The following ARHGEF3 variants were observed in gnomAD, a reference collection of about 807,000 sequenced individuals.
The protein encoded by ARHGEF3 is 59.8 kDA protein.
A neutral mutation model predicts 63.2 loss-of-function variants in ARHGEF3; 28 were observed. The observed-to-expected ratio is 0.44, with a 90% CI of 0.33 to 0.61. The LOEUF (loss-of-function observed/expected upper bound fraction) is 0.61. Ranked by LOEUF, ARHGEF3 falls within the 20% of genes least tolerant of loss-of-function variation. ARHGEF3 has a pLI of 0.03. For missense variants in ARHGEF3, 533 were observed against 659.3 expected, an observed-to-expected ratio of 0.81 and a Z score of 2.10; for synonymous variants, 266 against 254.2, an observed-to-expected ratio of 1.05 and a Z score of -0.44.
chr3:57,014,040 C>T (rs9854157), intron 2 of ARHGEF3, among the ~76,000 whole-genome samples: 4,015 of 152,192 alleles, frequency 0.026, 178 homozygotes, highest in African/African-American at 0.091. Context: ...TAACACTCAC[C>T]GCGAAGGTCT....
chr3:56,802,844 C>G (rs537297229), upstream of ARHGEF3, among the ~76,000 whole-genome samples: 127 of 152,258 alleles, frequency 8.3e-4, no homozygotes, highest in Non-Finnish European at 1.6e-3. Flanking sequence ...TAACTGGAAA[C>G]AATGGTAATA....
chr3:56,950,583 C>G (rs150632299), intron 3 of ARHGEF3, among the ~76,000 whole-genome samples: 2 of 151,960 alleles, frequency 1.3e-5, no homozygotes, highest in Non-Finnish European at 2.9e-5. Context: ...CAATGAGATA[C>G]CATCTCACAC....
At chr3:56,744,332 C>T (rs560036549) in intron 7 of ARHGEF3, among the ~76,000 whole-genome samples, 8 of 152,048 alleles carry the variant, frequency 5.3e-5, no homozygotes, top group Admixed American at 5.2e-4. Context: ...CATTTTTCCT[C>T]GTCTTCTATT....
intron 2 of ARHGEF3, among the ~76,000 whole-genome samples, chr3:56,982,483 T>C (rs1701362851): frequency 6.6e-6 from 1 of 152,062 alleles, no homozygotes. Flanking sequence ...GACCATCCTG[T>C]TGGAAACTGT....
chr3:56,925,931 A>G (rs1162781812), intron 3 of ARHGEF3, among the ~76,000 whole-genome samples: 1 of 152,218 alleles, frequency 6.6e-6, no homozygotes, highest in African/African-American at 2.4e-5. Context: ...ATGCAGACTG[A>G]CATGTGTAAA....
chr3:56,939,652 T>G (rs1285031642), intron 3 of ARHGEF3: 1 of 152,168 alleles, frequency 6.6e-6, no homozygotes, highest in Non-Finnish European at 1.5e-5. Context: ...CCAAACAGGC[T>G]GTTCTTGCTC....
rs58006138 is a variant in ARHGEF3, at chr3:57,028,980, G to GACACACACACACACACACACAC, written c.62+6086_62+6107dup. Among the ~76,000 whole-genome samples, 17 of 142,252 alleles carry GACACACACACACACACACACAC rather than the reference G, an allele frequency of 1.2e-4. No individual in the cohort carries two copies. In the East Asian group the frequency reaches 2.1e-3, roughly 18 times the overall value. 93.3% of individuals were successfully genotyped at this position (142,252 alleles called of 152,430 possible). A position where few individuals can be genotyped will look rare whatever the true frequency, so the allele number is the denominator to read the frequency against. On this transcript the variant is annotated intron_variant, in intron 2 of 12. Coordinates refer to the ARHGEF3 transcript ENST00000338458. Reference sequence around the variant, plus strand: ...CATTACAAGGGCAGATAATGGTGAAGACACACACACACACACACACACACA... The same window carrying GACACACACACACACACACACAC: ...CATTACAAGGGCAGATAATGGTGAAGACACACACACACACACACACACACACACACACACACACACACACACA...
At chr3:56,936,368 T>A (rs1396397356) in intron 3 of ARHGEF3, among the ~76,000 whole-genome samples, 2 of 152,162 alleles carry the variant, frequency 1.3e-5, no homozygotes, top group Admixed American at 1.3e-4. Flanking sequence ...TAAAAAGCCA[T>A]TTTCTTGAGG....
At chr3:56,907,076 G>A (rs1017446043) in intron 3 of ARHGEF3, among the ~76,000 whole-genome samples, 7 of 146,200 alleles carry the variant, frequency 4.8e-5, no homozygotes, top group African/African-American at 1.3e-4. Flanking sequence ...CTGCCTCCTG[G>A]GTTCAAGTGA....
intron 2 of ARHGEF3, among the ~76,000 whole-genome samples, chr3:57,026,728 G>T (rs1468252666): frequency 1.3e-5 from 2 of 152,230 alleles, no homozygotes; most frequent in Non-Finnish European, 2.9e-5. Context: ...CCTGCCTGTT[G>T]TGCTACATGG....
chr3:57,065,916 C>A (rs1705501150), intron 1 of ARHGEF3, among the ~76,000 whole-genome samples: 1 of 151,986 alleles, frequency 6.6e-6, no homozygotes, highest in Middle Eastern at 3.2e-3. Context: ...GGTCTTCAGT[C>A]TTAAAATGAA....
intron 1 of ARHGEF3, chr3:57,074,354 C>T (rs1706108792): frequency 8.1e-7 from 1 of 1,231,612 alleles, no homozygotes; most frequent in Non-Finnish European, 1.2e-6. Flanking sequence ...CATCCCCCAC[C>T]CCCACCAGGG....
At chr3:56,896,936 G>T (rs2041323157) in intron 3 of ARHGEF3, among the ~76,000 whole-genome samples, 1 of 152,162 alleles carries the variant, frequency 6.6e-6, no homozygotes, top group African/African-American at 2.4e-5. Context: ...TTTCTCTACT[G>T]GAAAGTTACT....
intron 3 of ARHGEF3, among the ~76,000 whole-genome samples, chr3:56,943,351 A>G (rs1489954254): frequency 6.6e-6 from 1 of 152,234 alleles, no homozygotes; most frequent in Non-Finnish European, 1.5e-5. Flanking sequence ...CCTGTGCTCT[A>G]TAAAGGGAAC....
intron 2 of ARHGEF3, among the ~76,000 whole-genome samples, chr3:56,770,328 T>A (rs975587163): frequency 2.6e-5 from 4 of 151,942 alleles, no homozygotes; most frequent in African/African-American, 9.7e-5. Context: ...GAGAATCACT[T>A]GAACCCAGGA....
intron 2 of ARHGEF3, among the ~76,000 whole-genome samples, chr3:56,961,033 C>T (rs1264540481): frequency 6.6e-6 from 1 of 152,126 alleles, no homozygotes; most frequent in Non-Finnish European, 1.5e-5. Context: ...GAAGATCACA[C>T]ATAATGTCAA....
chr3:56,887,883 T>G (rs1180220255), intron 3 of ARHGEF3, among the ~76,000 whole-genome samples: 1 of 152,220 alleles, frequency 6.6e-6, no homozygotes, highest in African/African-American at 2.4e-5. Context: ...GTGAATAATT[T>G]CTAAATGGGT....
intron 2 of ARHGEF3, among the ~76,000 whole-genome samples, chr3:57,013,317 C>A (rs1702790109): frequency 1.3e-5 from 2 of 152,248 alleles, no homozygotes; most frequent in African/African-American, 4.8e-5. Flanking sequence ...CTAGGCGAAG[C>A]CAGCTGGGCT....
chr3:56,922,077 A>G (rs1442576394), intron 3 of ARHGEF3, among the ~76,000 whole-genome samples: 1 of 136,698 alleles, frequency 7.3e-6, no homozygotes, highest in East Asian at 2.0e-4. Context: ...AAGTGAATGC[A>G]AAAAAAAAAA....
Sources: gnomAD v4.1 joint callset for allele counts (sites outside exome capture counted in the v4.1 genomes callset) on GRCh38, gnomAD v4.1.1 for gene constraint, MANE v1.5 for transcripts, NCBI Gene and HGNC (gene_info 2026-07-23, HGNC 2026-07-21) for gene names.